The following CFI variants were observed in gnomAD, a reference collection of about 807,000 sequenced individuals.
CFI encodes the protein complement factor I.
Under a neutral mutation model 78.8 loss-of-function variants are expected in CFI, and 66 were observed. That is an observed-to-expected ratio of 0.84 (90% CI 0.69 to 1.03). CFI has a LOEUF of 1.03. CFI is among the 50% of genes least tolerant of loss of function. CFI has a pLI of 0.00. For missense variants in CFI, 706 were observed against 704.5 expected (o/e 1.00, Z -0.02); for synonymous variants, 250 against 232.6 (o/e 1.07, Z -0.68).
Position 109,742,608 on chromosome 4 carries a change from A to T in CFI, c.1430-13T>A. On this transcript the variant is annotated splice_polypyrimidine_tract_variant and intron_variant, in intron 11 of 12. Transcript: ENST00000394634. ...ACTCTTTCGTTATCTAAACAAAGTG[A>T]GAAAGCAAACATTTAGAAGTCACAA... is the stretch of plus-strand genomic sequence containing the variant. 1 of 1,520,208 alleles carries T rather than the reference A, an allele frequency of 6.6e-7. No homozygotes were observed. Among genetic ancestry groups the T allele is most frequent in the Non-Finnish European group, 9.1e-7 (1 of 1,094,768 alleles). The allele number at this position is 1,520,208 out of a possible 1,614,324, so 94.2% of individuals were successfully genotyped here. A position where few individuals can be genotyped will look rare whatever the true frequency, so the allele number is the denominator to read the frequency against.
chr4:109,794,371 T>A (rs1419944679), intron 1 of CFI: 2 of 152,256 alleles, frequency 1.3e-5, no homozygotes, highest in Non-Finnish European at 2.9e-5. Context: ...TTAAATGGAC[T>A]GATCTTCAAG....
At chr4:109,780,530 C>T (rs559010653) in intron 1 of CFI, among the ~76,000 whole-genome samples, 20 of 152,104 alleles carry the variant, frequency 1.3e-4, no homozygotes, top group Middle Eastern at 3.2e-3. Context: ...GAAATAGGAA[C>T]GCTTTTACAT....
intron 1 of CFI, among the ~76,000 whole-genome samples, chr4:109,780,647 G>A (rs1411423687): frequency 6.6e-6 from 1 of 152,120 alleles, no homozygotes; most frequent in Non-Finnish European, 1.5e-5. Flanking sequence ...CCATTACTGG[G>A]CATATACCCA....
chr4:109,799,513 A>G (rs775382664), intron 1 of CFI, among the ~76,000 whole-genome samples: 4 of 152,194 alleles, frequency 2.6e-5, no homozygotes, highest in African/African-American at 7.2e-5. Context: ...TATTAGATAG[A>G]CAGATTTATA....
chr4:109,792,442 G>C (rs766223932), intron 1 of CFI, among the ~76,000 whole-genome samples: 28 of 152,130 alleles, frequency 1.8e-4, no homozygotes, highest in Admixed American at 4.6e-4. Flanking sequence ...CGGGCGTGGT[G>C]GTGCACTCCT....
At chr4:109,757,882 C>A in intron 6 of CFI, 99 bp from the exon 7 acceptor site, 1 of 1,334,136 alleles carries the variant, frequency 7.5e-7, no homozygotes, top group Non-Finnish European at 1.0e-6. Context: ...AACCATTGCA[C>A]CTTATTTCTG....
intron 7 of CFI, among the ~76,000 whole-genome samples, chr4:109,755,534 C>T (rs566475588): frequency 6.6e-6 from 1 of 152,110 alleles, no homozygotes; most frequent in African/African-American, 2.4e-5. Context: ...AGATTAATGT[C>T]GTTATCTCAG....
intron 1 of CFI, among the ~76,000 whole-genome samples, chr4:109,796,000 G>A (rs766774686): frequency 6.6e-6 from 1 of 152,110 alleles, no homozygotes; most frequent in African/African-American, 2.4e-5. Flanking sequence ...GATTCATGAG[G>A]ACCAAAAGGA....
At chr4:109,760,762 T>C in intron 4 of CFI, 126 bp from the exon 5 acceptor site, 3 of 702,580 alleles carry the variant, frequency 4.3e-6, no homozygotes, top group Non-Finnish European at 7.8e-6. Flanking sequence ...ATAAAACGTA[T>C]TGGTATTATC....
chr4:109,789,244 CA>C (rs1198254894), intron 1 of CFI, among the ~76,000 whole-genome samples: 3 of 151,456 alleles, frequency 2.0e-5, no homozygotes, highest in Non-Finnish European at 4.4e-5. Flanking sequence ...TTGGAGCCTC[CA>C]AAAAAGAGGA....
chr4:109,751,438 C>CTTTTT (rs66497003), intron 8 of CFI, among the ~76,000 whole-genome samples: 18 of 100,356 alleles, frequency 1.8e-4, no homozygotes, highest in South Asian at 3.8e-4. Flanking sequence ...AGAGCTAAAT[C>CTTTTT]TTTTTTTTTT....
At chr4:109,773,653 G>A (rs544869395) in intron 1 of CFI, among the ~76,000 whole-genome samples, 1 of 152,238 alleles carries the variant, frequency 6.6e-6, no homozygotes, top group South Asian at 2.1e-4. Context: ...TAGGGAGTAT[G>A]GGACTTAAAT....
chr4:109,760,044 T>G, intron 6 of CFI: 1 of 674,598 alleles, frequency 1.5e-6, no homozygotes. Context: ...ATTTTTTGTA[T>G]GTGCAGTGAG....
Position 109,742,474 on chromosome 4 carries a change from A to C in CFI, c.1534+17T>G, listed in dbSNP as rs1407513502. 2.0e-6 allele frequency: 3 copies of C among 1,515,356 alleles called. No individual in the cohort carries two copies. Among genetic ancestry groups the C allele is most frequent in the Non-Finnish European group, 2.8e-6 (3 of 1,090,078 alleles). 93.9% of individuals were successfully genotyped at this position (1,515,356 alleles called of 1,614,324 possible). Reference sequence around the variant, plus strand: ...TACATACATCTTGACATCTTGGATAAACCACTTGGCACTTACCTGCACATT... The same window carrying C: ...TACATACATCTTGACATCTTGGATACACCACTTGGCACTTACCTGCACATT... On this transcript the variant is annotated intron_variant, in intron 12 of 12. Transcript: ENST00000394634.
intron 1 of CFI, among the ~76,000 whole-genome samples, chr4:109,780,398 G>C (rs899776667): frequency 6.6e-6 from 1 of 152,184 alleles, no homozygotes; most frequent in Admixed American, 6.5e-5. Context: ...ATGAAAAAAT[G>C]CTCATCATCA....
At chr4:109,766,169 G>A in intron 2 of CFI, among the ~76,000 whole-genome samples, 1 of 152,094 alleles carries the variant, frequency 6.6e-6, no homozygotes, top group East Asian at 1.9e-4. Flanking sequence ...AGGAGGACCT[G>A]AGGCCTGACT....
At chr4:109,773,300 G>A (rs535235353) in intron 1 of CFI, among the ~76,000 whole-genome samples, 3 of 152,308 alleles carry the variant, frequency 2.0e-5, no homozygotes, top group East Asian at 1.9e-4. Flanking sequence ...GGCTGAGGCA[G>A]GTGGATCACA....
At chr4:109,758,709 T>C (rs78835159) in intron 6 of CFI, among the ~76,000 whole-genome samples, 253 of 152,314 alleles carry the variant, frequency 1.7e-3, no homozygotes, top group African/African-American at 5.7e-3. Context: ...ACCAAGCTGA[T>C]CAAGTAATCA....
chr4:109,753,482 TATAATAA>T (rs1481443280), intron 7 of CFI, among the ~76,000 whole-genome samples: 5 of 85,152 alleles, frequency 5.9e-5, no homozygotes, highest in African/African-American at 2.4e-4. Flanking sequence ...AATAAATATT[TATAATAA>T]ATATTTATAA....
Sources: allele counts gnomAD v4.1 joint callset (sites outside exome capture counted in the v4.1 genomes callset), GRCh38; gene constraint gnomAD v4.1.1; transcripts MANE v1.5; gene names NCBI Gene and HGNC (gene_info 2026-07-23, HGNC 2026-07-21).